Variants in PKN2 observed in about 807,000 individuals in gnomAD.
PKN2 encodes serine/threonine-protein kinase N2.
In PKN2, 38 loss-of-function variants were observed where a neutral mutation model predicts 119.1. The observed-to-expected ratio is 0.32, with a 90% CI of 0.25 to 0.42. The LOEUF is 0.42. Among genes scored for constraint, PKN2 ranks in the 10% least tolerant of loss-of-function variants. PKN2 has a pLI of 1.00. For synonymous variants in PKN2, 390 were observed against 384.9 expected (o/e 1.01, Z -0.15); for missense variants, 850 against 1,165.1 (o/e 0.73, Z 3.94).
intron 8 of PKN2, among the ~76,000 whole-genome samples, chr1:88,803,822 C>T (rs1671429567): frequency 6.6e-6 from 1 of 152,108 alleles, no homozygotes; most frequent in South Asian, 2.1e-4. Flanking sequence ...TTCTTCCTTT[C>T]GTACGCAGAA....
chr1:88,810,391 G>C (rs897942199), intron 15 of PKN2, among the ~76,000 whole-genome samples: 1 of 151,744 alleles, frequency 6.6e-6, no homozygotes, highest in African/African-American at 2.4e-5. Context: ...CAAGGTGCTG[G>C]GGTTACAGGC....
chr1:88,822,619 A>G (rs1672341587), intron 17 of PKN2, among the ~76,000 whole-genome samples: 1 of 143,928 alleles, frequency 6.9e-6, no homozygotes, highest in Admixed American at 7.3e-5. Context: ...CGCTCTTGTC[A>G]CCCAAGCTGG....
rs117221641 is a variant in PKN2, at chr1:88,781,215, G to A, written c.986-3424G>A. 412 of 1,154,932 alleles carry A rather than the reference G, an allele frequency of 3.6e-4. 1 individual carries two copies. In the East Asian group the frequency reaches 0.015, roughly 42 times the overall value. 71.5% of individuals were successfully genotyped at this position (1,154,932 alleles called of 1,614,324 possible). ...CACTGCATGCTATTATTTGTGGTTC[G>A]TCTCATACTCCAGTTTCTTTTGTGG... On this transcript the variant is annotated intron_variant, in intron 6 of 21. Transcript: ENST00000370521.
At chr1:88,824,008 CAAAAA>C (rs3061489) in intron 17 of PKN2, among the ~76,000 whole-genome samples, 1 of 117,040 alleles carries the variant, frequency 8.5e-6, no homozygotes. Context: ...GACTCTGTCT[CAAAAA>C]AAAAAAAAAA....
intron 3 of PKN2, among the ~76,000 whole-genome samples, chr1:88,770,069 G>A (rs911779132): frequency 5.3e-5 from 8 of 152,120 alleles, no homozygotes; most frequent in African/African-American, 1.2e-4. Flanking sequence ...TACACTGCAA[G>A]TATATACAAT....
intron 8 of PKN2, among the ~76,000 whole-genome samples, chr1:88,795,499 C>T (rs958354531): frequency 6.6e-6 from 1 of 152,182 alleles, no homozygotes; most frequent in Non-Finnish European, 1.5e-5. Flanking sequence ...TCCTCACCCT[C>T]CCATATGTTA....
rs148127247 is a variant in PKN2, at chr1:88,813,890, T to C, written c.2279+157T>C. Reference sequence around the variant, plus strand: ...CTTACTTACTTTTTTGCCATATACTTTTTGTATGTATTCTGTTGTCTGTGT... The same window carrying C: ...CTTACTTACTTTTTTGCCATATACTCTTTGTATGTATTCTGTTGTCTGTGT... On this transcript the variant is annotated intron_variant, in intron 16 of 21. Coordinates refer to ENST00000370521, the MANE Select transcript of PKN2 (RefSeq NM_006256.4). Among the ~76,000 whole-genome samples the C allele has an allele frequency of 1.2e-3, 189 of 152,314 alleles. 3 individuals are homozygous for C. The East Asian group carries it at 0.027, about 22-fold the overall frequency.
At chr1:88,819,116 A>G (rs1271502790) in intron 16 of PKN2, among the ~76,000 whole-genome samples, 1 of 152,238 alleles carries the variant, frequency 6.6e-6, no homozygotes, top group African/African-American at 2.4e-5. Context: ...GGACACAGGC[A>G]TGGGCAAAGA....
chr1:88,827,805 C>T (rs1200194645), intron 18 of PKN2, among the ~76,000 whole-genome samples: 4 of 151,824 alleles, frequency 2.6e-5, no homozygotes, highest in Admixed American at 1.3e-4. Flanking sequence ...CTGCAGCCTC[C>T]GTCTCCCAAG....
At chr1:88,761,080 A>G (rs1669421742) in intron 3 of PKN2, among the ~76,000 whole-genome samples, 1 of 152,288 alleles carries the variant, frequency 6.6e-6, no homozygotes, top group South Asian at 2.1e-4. Flanking sequence ...GAGATCTGGT[A>G]TGGGCATATA....
In PKN2 at chr1:88,813,687, C is replaced by T. The variant is rs556207668; in HGVS notation, c.2233C>T (p.Leu745=). 1.2e-6 allele frequency: 2 copies of T among 1,607,004 alleles called. No individual in the cohort carries two copies. The highest frequency in any genetic ancestry group is 2.2e-5 in the South Asian group (2 of 89,720). ...AATGGAATATGCTGCCGGTGGGGAC[C>T]TAATGATGCACATTCATACTGATGT... is the stretch of plus-strand genomic sequence containing the variant. ...FVMEYAAGGD[L]MMHIHTDVFS... The change falls in exon 16 of 22, where the codon CTA becomes TTA. Residue 745 remains leucine, a synonymous_variant. Coordinates refer to ENST00000370521, the MANE Select transcript of PKN2 (RefSeq NM_006256.4).
chr1:88,723,268 C>A (rs930045032), intron 1 of PKN2, among the ~76,000 whole-genome samples: 15 of 151,870 alleles, frequency 9.9e-5, no homozygotes, highest in African/African-American at 3.6e-4. Flanking sequence ...TGCCTGTCAC[C>A]ATGCCCAGCT....
chr1:88,691,549 ATCTG>A (rs1414995654), intron 1 of PKN2, among the ~76,000 whole-genome samples: 1 of 152,262 alleles, frequency 6.6e-6, no homozygotes, highest in Non-Finnish European at 1.5e-5. Context: ...TTAATCACCT[ATCTG>A]TCTGTCAATC....
intron 6 of PKN2, among the ~76,000 whole-genome samples, chr1:88,780,072 C>T (rs1438849259): frequency 6.7e-6 from 1 of 148,702 alleles, no homozygotes; most frequent in Admixed American, 6.7e-5. Flanking sequence ...TCCTCAATTG[C>T]TGTGATTTTG....
In PKN2 at chr1:88,716,938, G is replaced by C. The variant is rs1049638279; in HGVS notation, c.49-24050G>C. ...GTTTTTGCAGTGGCTGGTACCAGTT[G>C]TTCCTTTCCATGTTTAGTGCTTCCT... is the stretch of plus-strand genomic sequence containing the variant. On this transcript the variant is annotated intron_variant, in intron 1 of 21. Transcript: ENST00000370521. Among the ~76,000 whole-genome samples the C allele has an allele frequency of 4.1e-4, 63 of 152,322 alleles. 1 individual carries two copies. The highest frequency in any genetic ancestry group is 1.4e-3 in the African/African-American group (59 of 41,574).
chr1:88,806,092 CG>C (rs1282039543), intron 12 of PKN2, 75 bp downstream of exon 12: 2 of 1,225,850 alleles, frequency 1.6e-6, no homozygotes, highest in African/African-American at 3.0e-5. Flanking sequence ...GTGAATAAGG[CG>C]TGTCTTTCCA....
chr1:88,781,237 G>A (rs914990680), intron 6 of PKN2: 5 of 961,550 alleles, frequency 5.2e-6, no homozygotes, highest in Non-Finnish European at 7.0e-6. Flanking sequence ...AGTTTCTTTT[G>A]TGGTTGTATG....
At chr1:88,743,529 T>TC (rs1372266310) in intron 2 of PKN2, among the ~76,000 whole-genome samples, 1 of 152,180 alleles carries the variant, frequency 6.6e-6, no homozygotes, top group Non-Finnish European at 1.5e-5. Flanking sequence ...CATAAAACCT[T>TC]CCATGACATT....
chr1:88,827,371 AT>A (rs1270385519), intron 18 of PKN2, among the ~76,000 whole-genome samples: 1 of 152,076 alleles, frequency 6.6e-6, no homozygotes, highest in Non-Finnish European at 1.5e-5. Flanking sequence ...ATAATGACAT[AT>A]CTTGAGGCCA....
Sources: allele counts gnomAD v4.1 joint callset (sites outside exome capture counted in the v4.1 genomes callset), GRCh38; gene constraint gnomAD v4.1.1; transcripts MANE v1.5; gene names NCBI Gene and HGNC (gene_info 2026-07-23, HGNC 2026-07-21).